TNS3: variants seen among roughly 807,000 people sequenced by gnomAD.
TNS3 encodes the protein tensin-3.
In TNS3, 45 loss-of-function variants were observed where a neutral mutation model predicts 140.9. The observed-to-expected ratio is 0.32, with a 90% CI of 0.25 to 0.41. The LOEUF is 0.41. Among genes scored for constraint, TNS3 ranks in the 10% least tolerant of loss-of-function variants. The pLI, the probability that TNS3 is intolerant of heterozygous loss-of-function variation, is 1.00. For synonymous variants in TNS3, 815 were observed against 788.4 expected (o/e 1.03, Z -0.56); for missense variants, 1,716 against 1,906.7 (o/e 0.90, Z 1.86).
At chr7:47,545,807 A>C (rs928488792) in intron 1 of TNS3, among the ~76,000 whole-genome samples, 2 of 152,170 alleles carry the variant, frequency 1.3e-5, no homozygotes, top group African/African-American at 4.8e-5. Context: ...AGGGGATCCC[A>C]CCTGGGGGCA....
At chr7:47,384,660 C>T (rs1407388352) in intron 16 of TNS3, among the ~76,000 whole-genome samples, 3 of 152,362 alleles carry the variant, frequency 2.0e-5, no homozygotes, top group South Asian at 2.1e-4. Flanking sequence ...TCTCCTTTCT[C>T]TAGCAGCCGC....
intron 2 of TNS3, among the ~76,000 whole-genome samples, chr7:47,517,418 G>C (rs936124920): frequency 6.6e-6 from 1 of 152,088 alleles, no homozygotes; most frequent in Non-Finnish European, 1.5e-5. Context: ...GATAAGTCTC[G>C]TCGGGAAAGG....
intron 2 of TNS3, among the ~76,000 whole-genome samples, chr7:47,521,820 G>A (rs1027015170): frequency 1.3e-5 from 2 of 152,178 alleles, no homozygotes; most frequent in African/African-American, 2.4e-5. Flanking sequence ...GCAGGCACAG[G>A]TTCTTCCCGC....
chr7:47,555,296 G>A (rs1014378285), intron 1 of TNS3, among the ~76,000 whole-genome samples: 1 of 151,856 alleles, frequency 6.6e-6, no homozygotes, highest in Non-Finnish European at 1.5e-5. Context: ...AGCTACTTGG[G>A]AGGCTGAGGC....
chr7:47,347,573 G>C (rs1323075030), intron 17 of TNS3, among the ~76,000 whole-genome samples: 4 of 151,918 alleles, frequency 2.6e-5, no homozygotes, highest in Non-Finnish European at 5.9e-5. Flanking sequence ...TTCAGGTGAG[G>C]CTTAAGGAGG....
chr7:47,502,781 G>T (rs1196360248), intron 3 of TNS3, among the ~76,000 whole-genome samples: 1 of 152,242 alleles, frequency 6.6e-6, no homozygotes, highest in Admixed American at 6.5e-5. Flanking sequence ...CAGGAGCCAA[G>T]AGGCTGGACA....
At chr7:47,541,524 A>C (rs1451202015) in intron 1 of TNS3, among the ~76,000 whole-genome samples, 1 of 152,174 alleles carries the variant, frequency 6.6e-6, no homozygotes, top group African/African-American at 2.4e-5. Context: ...AAAAAGACAC[A>C]GGGGCCAGCC....
In TNS3 at chr7:47,302,125, C is replaced by T. The variant is rs991234109; in HGVS notation, c.3544+61G>A. On this transcript the variant is annotated intron_variant, in intron 23 of 30. Transcript: ENST00000311160. ...TCCCACCGCAGGGCCCATCTTCACA[C>T]AAGGCAGCGAAGCGGGCACTAGGGC... 7.0e-6 allele frequency: 10 copies of T among 1,424,938 alleles called. No individual in the cohort carries two copies. The African/African-American group carries it at 9.9e-5, about 14-fold the overall frequency. 88.3% of individuals were successfully genotyped at this position (1,424,938 alleles called of 1,614,324 possible).
At chr7:47,389,115 A>C (rs377194080) in intron 16 of TNS3, among the ~76,000 whole-genome samples, 1,127 of 5,146 alleles carry the variant, frequency 0.22, 241 homozygotes, top group South Asian at 0.5. Context: ...GAAGCAGAAG[A>C]AGAAGAAGAA....
intron 1 of TNS3, among the ~76,000 whole-genome samples, chr7:47,577,427 G>A (rs913624311): frequency 3.9e-5 from 6 of 152,202 alleles, no homozygotes; most frequent in South Asian, 2.1e-4. Flanking sequence ...GAAGCAGCTG[G>A]GGCTGGCGCA....
rs1784841282 is a variant in TNS3 at position 47,275,664 on chromosome 7, A to G, written c.*2412T>C. The G allele has an allele frequency of 7.8e-6, 3 of 384,498 alleles. No homozygotes were observed. The highest frequency in any genetic ancestry group is 3.1e-5 in the Admixed American group (1 of 32,284). The allele number at this position is 384,498 out of a possible 1,614,324, so 23.8% of individuals were successfully genotyped here. On this transcript the variant is annotated 3_prime_UTR_variant, in exon 31 of 31. Transcript: ENST00000311160. ...CACATGTAACACAAAAGGAAGAAAG[A>G]AACTTCCTATACCAGCTCTTCAGAA...
chr7:47,394,467 G>A (rs1792710594), intron 16 of TNS3, among the ~76,000 whole-genome samples: 1 of 152,236 alleles, frequency 6.6e-6, no homozygotes, highest in South Asian at 2.1e-4. Flanking sequence ...CAAAGTAGGA[G>A]AAATACACGC....
chr7:47,408,890 T>C (rs2151390933), intron 13 of TNS3, among the ~76,000 whole-genome samples: 1 of 152,006 alleles, frequency 6.6e-6, no homozygotes, highest in Non-Finnish European at 1.5e-5. Flanking sequence ...CTGTGACCTC[T>C]CCCACCCCGT....
At chr7:47,297,306 C>G (rs1208137679) in intron 23 of TNS3, 93 bp from the exon 24 acceptor site, 1 of 1,465,814 alleles carries the variant, frequency 6.8e-7, no homozygotes, top group African/African-American at 1.4e-5. Flanking sequence ...TCCCCTTACT[C>G]TTTTTGCAAA....
At chr7:47,506,982 A>C (rs1459003857) in intron 2 of TNS3, 38 bp from the exon 3 acceptor site, 5 of 1,278,478 alleles carry the variant, frequency 3.9e-6, no homozygotes, top group Non-Finnish European at 5.1e-6. Context: ...TGTGTCAAGC[A>C]GTCTCTCTAG....
chr7:47,283,884 G>T lies in TNS3; in HGVS notation c.3929-19C>A, dbSNP rs201488668. Reference sequence around the variant, plus strand: ...TTGCAGGCTGGAAGACACCAAGGGAGACACATGTTAGTTGCAACTATTGGG... The same window carrying T: ...TTGCAGGCTGGAAGACACCAAGGGATACACATGTTAGTTGCAACTATTGGG... On this transcript the variant is annotated intron_variant, in intron 27 of 30. Transcript: ENST00000311160. The T allele has an allele frequency of 4.4e-5, 68 of 1,555,672 alleles. No individual in the cohort carries two copies. The highest frequency in any genetic ancestry group is 1.7e-4 in the Middle Eastern group (1 of 5,816).
At chr7:47,343,179 C>T (rs560732701) in intron 20 of TNS3, among the ~76,000 whole-genome samples, 5 of 152,318 alleles carry the variant, frequency 3.3e-5, no homozygotes, top group East Asian at 1.9e-4. Flanking sequence ...CATAGTGCAG[C>T]GCTCATCCAC....
intron 10 of TNS3, among the ~76,000 whole-genome samples, chr7:47,418,665 T>C (rs1433514046): frequency 3.3e-5 from 5 of 152,266 alleles, no homozygotes; most frequent in Admixed American, 2.0e-4. Flanking sequence ...AACCAGTGAG[T>C]ACATTTTAAA....
chr7:47,376,726 G>GACACACAC (rs148067728), intron 16 of TNS3, among the ~76,000 whole-genome samples: 12,795 of 144,316 alleles, frequency 0.089, 669 homozygotes, highest in Non-Finnish European at 0.12. Context: ...TCTAGATCAA[G>GACACACAC]ACACACACAC....
Sources: gnomAD v4.1 joint callset for allele counts (sites outside exome capture counted in the v4.1 genomes callset) on GRCh38, gnomAD v4.1.1 for gene constraint, MANE v1.5 for transcripts, NCBI Gene and HGNC (gene_info 2026-07-23, HGNC 2026-07-21) for gene names.